TGM7: variants seen among roughly 807,000 people sequenced by gnomAD.
The protein encoded by TGM7 is transglutaminase 7.
In TGM7, 74 loss-of-function variants were observed where a neutral mutation model predicts 79.5. The ratio of observed to expected loss-of-function variants is 0.93; its 90% confidence interval spans 0.77 to 1.13. TGM7 has a LOEUF of 1.13. TGM7 is among the 50% of genes most tolerant of loss of function. TGM7 has a pLI of 0.00. For missense variants in TGM7, 912 were observed against 905.9 expected, an observed-to-expected ratio of 1.01 and a Z score of -0.09; for synonymous variants, 354 against 362.5, an observed-to-expected ratio of 0.98 and a Z score of 0.27.
At position 43,282,636 on chromosome 15, in the gene TGM7, A is replaced by G; in HGVS notation, c.1005-16T>C. On this transcript the variant is annotated splice_polypyrimidine_tract_variant and intron_variant, in intron 7 of 12. Transcript: ENST00000452443. ...GTGGAAGTTCCTGCAGGAGGGAGTA[A>G]GGAGACAAGGATTCATGTTAGCTGA... 1.3e-6 allele frequency: 2 copies of G among 1,573,210 alleles called. No individual in the cohort carries two copies. The highest frequency in any genetic ancestry group is 1.7e-6 in the Non-Finnish European group (2 of 1,156,570).
intron 7 of TGM7, among the ~76,000 whole-genome samples, chr15:43,283,518 T>G (rs1338250534): frequency 6.6e-6 from 1 of 152,174 alleles, no homozygotes; most frequent in African/African-American, 2.4e-5. Flanking sequence ...AATGTAGTTT[T>G]GTTTCATGGA....
intron 11 of TGM7, 72 bp from the exon 12 acceptor site, chr15:43,277,067 C>T: frequency 6.4e-7 from 1 of 1,561,158 alleles, no homozygotes. Context: ...GTTACCCCCA[C>T]CCCCAGGTCC....
chr15:43,289,884 G>A (rs1200197174), intron 4 of TGM7, among the ~76,000 whole-genome samples: 2 of 152,042 alleles, frequency 1.3e-5, no homozygotes, highest in African/African-American at 4.8e-5. Context: ...GTCTGTTCAT[G>A]TCCTTCGCCC....
intron 11 of TGM7, among the ~76,000 whole-genome samples, chr15:43,278,848 G>A (rs1317840739): frequency 6.6e-6 from 1 of 152,238 alleles, no homozygotes; most frequent in African/African-American, 2.4e-5. Flanking sequence ...CTTTGCCTTT[G>A]CAAAATGATT....
Position 43,293,524 on chromosome 15 carries a change from G to A in TGM7, c.118C>T (p.Pro40Ser). The A allele has an allele frequency of 5.0e-6, 8 of 1,611,890 alleles. No individual in the cohort carries two copies. The highest frequency in any genetic ancestry group is 6.8e-6 in the Non-Finnish European group (8 of 1,179,710). The stretch of plus-strand genomic sequence containing the variant: ...CTGAAGCTCAGCCGGAGGTAGAAGG[G>A]CTGGCCGCGGCGCACAGTGAGCCGC... ...VKRLTVRRGQ[P>S]FYLRLSFSRP... Residue 40 changes from proline to serine, a missense_variant, in exon 2 of 13, where the codon CCC becomes TCC. By Grantham distance (74) the Pro-to-Ser change is moderately conservative (BLOSUM62 -1). Transcript: ENST00000452443.
At chr15:43,299,208 G>C (rs1389443496) in intron 1 of TGM7, among the ~76,000 whole-genome samples, 1 of 152,104 alleles carries the variant, frequency 6.6e-6, no homozygotes, top group South Asian at 2.1e-4. Flanking sequence ...TTGATTAAAG[G>C]CAGGCTTTTG....
rs760106763 is a variant in TGM7, at chr15:43,276,748, G to A, written c.1973+114C>T. 15 of 1,540,082 alleles carry A rather than the reference G, an allele frequency of 9.7e-6. 1 individual carries two copies. The highest frequency in any genetic ancestry group is 1.3e-5 in the Non-Finnish European group (15 of 1,141,988). On this transcript the variant is annotated intron_variant, in intron 12 of 12. Transcript: ENST00000452443. ...GAGCTCAGCCTTTCCTGAGGAGGGT[G>A]AGAAAGTGGGGGCAGAGAGGCACTG... is the stretch of plus-strand genomic sequence containing the variant.
At chr15:43,299,655 G>A (rs995605450) in intron 1 of TGM7, among the ~76,000 whole-genome samples, 1 of 152,224 alleles carries the variant, frequency 6.6e-6, no homozygotes, top group African/African-American at 2.4e-5. Flanking sequence ...CAAAATGCCA[G>A]GTGGAAGGTG....
chr15:43,296,151 T>C lies in TGM7; in HGVS notation c.11-2520A>G, dbSNP rs529683110. 1.2e-4 allele frequency among the ~76,000 whole-genome samples: 18 copies of C among 152,158 alleles called. No individual in the cohort carries two copies. In the East Asian group the frequency reaches 2.5e-3, roughly 21 times the overall value. ...AGTTAAAAGTCAGAAAGCAGCCGGG[T>C]GAGGTGGCTCACGCCTGTAATCCCA... On this transcript the variant is annotated intron_variant, in intron 1 of 12. Transcript: ENST00000452443.
At chr15:43,297,689 C>T (rs894449002) in intron 1 of TGM7, among the ~76,000 whole-genome samples, 7 of 152,114 alleles carry the variant, frequency 4.6e-5, no homozygotes, top group Admixed American at 1.3e-4. Flanking sequence ...ATGAGCTCCG[C>T]GATGCAAAGC....
At position 43,293,555 on chromosome 15, in the gene TGM7, G is replaced by C; in HGVS notation, c.87C>G (p.Gly29=). The C allele has an allele frequency of 6.2e-7, 1 of 1,611,356 alleles. No individual in the cohort carries two copies. ...CGCGGCGCACAGTGAGCCGCTTGAC[G>C]CCCATCTCCTGCGTGTGGTGCTCCT... ...NNKEHHTQEM[G]VKRLTVRRGQ... is the part of the protein sequence containing the mutation. Residue 29 remains glycine, a synonymous_variant, in exon 2 of 13, where the codon GGC becomes GGG. Coordinates refer to ENST00000452443, the MANE Select transcript of TGM7 (RefSeq NM_052955.3).
intron 10 of TGM7, 145 bp downstream of exon 10, chr15:43,279,480 C>T: frequency 8.3e-7 from 1 of 1,209,870 alleles, no homozygotes; most frequent in Non-Finnish European, 1.2e-6. Flanking sequence ...ATCAGAGGTG[C>T]AGCAGCTGGC....
At chr15:43,288,198 G>T (rs2042945754) in intron 4 of TGM7, among the ~76,000 whole-genome samples, 1 of 152,210 alleles carries the variant, frequency 6.6e-6, no homozygotes, top group South Asian at 2.1e-4. Context: ...GCCAGGGTGG[G>T]CTCATAATAG....
intron 4 of TGM7, 64 bp from the exon 5 acceptor site, chr15:43,287,733 G>A (rs1431466035): frequency 1.3e-6 from 2 of 1,554,192 alleles, no homozygotes; most frequent in African/African-American, 2.7e-5. Context: ...GAAACTTTAA[G>A]TCACTAACAG....
intron 1 of TGM7, among the ~76,000 whole-genome samples, chr15:43,298,992 CA>C (rs970510415): frequency 3.6e-4 from 47 of 131,134 alleles, no homozygotes; most frequent in South Asian, 4.8e-4. Flanking sequence ...CAATAGCAGC[CA>C]AAAAAAAAAG....
chr15:43,291,220 T>C (rs1205314858), intron 4 of TGM7, among the ~76,000 whole-genome samples: 2 of 152,226 alleles, frequency 1.3e-5, no homozygotes, highest in East Asian at 3.8e-4. Context: ...TAGCTCTTAT[T>C]ATTTTGAGAT....
At chr15:43,289,442 T>C (rs1244053943) in intron 4 of TGM7, among the ~76,000 whole-genome samples, 2 of 152,210 alleles carry the variant, frequency 1.3e-5, no homozygotes, top group African/African-American at 4.8e-5. Flanking sequence ...ATGTGCCACA[T>C]TTTCTTAATC....
At chr15:43,295,521 T>C (rs1268291546) in intron 1 of TGM7, among the ~76,000 whole-genome samples, 1 of 152,008 alleles carries the variant, frequency 6.6e-6, no homozygotes, top group African/African-American at 2.4e-5. Context: ...GCCCAGGAGG[T>C]AGAGGTTGCA....
chr15:43,282,189 G>T lies in TGM7; in HGVS notation c.1109-103C>A, dbSNP rs113820645. The stretch of plus-strand genomic sequence containing the variant: ...AGCGGCACCACTGACTCTCACCCGT[G>T]GGATATCTTCCAGTTTACCAAGCAC... On this transcript the variant is annotated intron_variant, in intron 8 of 12. Transcript: ENST00000452443. 3,158 of 1,484,388 alleles carry T rather than the reference G, an allele frequency of 2.1e-3. 50 individuals carry two copies. The African/African-American group carries it at 0.038, about 18-fold the overall frequency. 92.0% of individuals were successfully genotyped at this position (1,484,388 alleles called of 1,614,324 possible).
Sources: gnomAD v4.1 joint callset for allele counts (sites outside exome capture counted in the v4.1 genomes callset) on GRCh38, gnomAD v4.1.1 for gene constraint, MANE v1.5 for transcripts, NCBI Gene and HGNC (gene_info 2026-07-23, HGNC 2026-07-21) for gene names.